Variants in WDR49 observed in about 807,000 individuals in gnomAD.
The protein encoded by WDR49 is cilia- and flagella-associated protein 337.
Under a neutral mutation model 119.5 loss-of-function variants are expected in WDR49, and 107 were observed. The observed-to-expected ratio is 0.90, with a 90% confidence interval of 0.77 to 1.05. The LOEUF (loss-of-function observed/expected upper bound fraction) is 1.05. WDR49 is among the 50% of genes least tolerant of loss of function. The probability of loss-of-function intolerance (pLI) is 0.00; values close to 1 mark genes in which losing one functional copy is unlikely to be tolerated. For synonymous variants in WDR49, 425 were observed against 418.8 expected, an observed-to-expected ratio of 1.01 and a Z score of -0.18; for missense variants, 1,240 against 1,220.5, an observed-to-expected ratio of 1.02 and a Z score of -0.24.
chr3:167,577,319 G>A (rs1577251611), intron 7 of WDR49, among the ~76,000 whole-genome samples: 1 of 152,116 alleles, frequency 6.6e-6, no homozygotes, highest in Non-Finnish European at 1.5e-5. Context: ...GCTACTGAGG[G>A]AGTGAAAAAC....
Position 167,620,476 on chromosome 3 carries a change from C to T in WDR49, c.911G>A (p.Cys304Tyr). The change falls in exon 5 of 19, where the codon TGC (cysteine) becomes TAC (tyrosine). Residue 304 changes from cysteine (C) to tyrosine (Y), a missense_variant. Cys to Tyr is a radical substitution (Grantham distance 194). Coordinates refer to ENST00000682715, the MANE Select transcript of WDR49 (RefSeq NM_001366157.1). ...AELLSGCHKCCHILEHKLHQG... is the reference protein window; with the variant it reads ...AELLSGCHKCYHILEHKLHQG... ...ATGAAGTTTATGCTCTAATATATGG[C>T]AACATTTGTGACATCCAGAGAGCAG... 2 of 1,536,050 alleles carry T rather than the reference C, an allele frequency of 1.3e-6. No individual in the cohort carries two copies. The highest frequency in any genetic ancestry group is 1.7e-6 in the Non-Finnish European group (2 of 1,146,684).
intron 13 of WDR49, among the ~76,000 whole-genome samples, 183 bp from the exon 14 acceptor site, chr3:167,529,422 T>C (rs973356788): frequency 6.6e-6 from 1 of 152,100 alleles, no homozygotes; most frequent in African/African-American, 2.4e-5. Flanking sequence ...ATAACCTCAC[T>C]GGTTTGTGTT....
Position 167,653,256 on chromosome 3 carries a change from C to T in WDR49, c.165+5G>A. ...AACTATCTGGTCAATAAGCTTCACA[C>T]TTACCTCAAAGGCCTTCTGTATTTT... On this transcript the variant is annotated splice_donor_5th_base_variant and intron_variant, in intron 2 of 18. Coordinates refer to ENST00000682715, the MANE Select transcript of WDR49 (RefSeq NM_001366157.1). 2 of 1,536,140 alleles carry T rather than the reference C, an allele frequency of 1.3e-6. No homozygotes were observed. Among genetic ancestry groups the T allele is most frequent in the Non-Finnish European group, 8.7e-7 (1 of 1,146,860 alleles).
chr3:167,549,861 A>G (rs1475712064), intron 10 of WDR49, among the ~76,000 whole-genome samples: 2 of 152,056 alleles, frequency 1.3e-5, no homozygotes, highest in Non-Finnish European at 2.9e-5. Context: ...ATCTTGAATT[A>G]ATTTTTGTAT....
chr3:167,654,828 G>A (rs1272833971), upstream of WDR49, among the ~76,000 whole-genome samples: 5 of 151,968 alleles, frequency 3.3e-5, no homozygotes, highest in African/African-American at 1.2e-4. Flanking sequence ...GAACCTGGGG[G>A]GCAGAGGTTG....
In WDR49 at chr3:167,600,495, T is replaced by A. The variant is rs74621132; in HGVS notation, c.1275+1632A>T. On this transcript the variant is annotated intron_variant, in intron 7 of 18. Transcript: ENST00000682715. ...CTGATTTTTTTGGTTCTTATGAAGG[T>A]GTTTTTGTGTATGTGTAGATAGTTG... is the stretch of plus-strand genomic sequence containing the variant. Among the ~76,000 whole-genome samples, 1,284 of 152,292 alleles carry A rather than the reference T, an allele frequency of 8.4e-3. 91 individuals carry two copies. In the East Asian group the frequency reaches 0.17, roughly 21 times the overall value.
chr3:167,646,584 G>A (rs1489173697), intron 2 of WDR49, among the ~76,000 whole-genome samples: 4 of 152,178 alleles, frequency 2.6e-5, no homozygotes, highest in African/African-American at 4.8e-5. Flanking sequence ...TAGCTACTGC[G>A]TACTTGAAAT....
intron 2 of WDR49, among the ~76,000 whole-genome samples, chr3:167,646,413 A>T (rs1718131372): frequency 6.6e-6 from 1 of 152,122 alleles, no homozygotes; most frequent in African/African-American, 2.4e-5. Context: ...TTATAGTGGG[A>T]TTGAGGAGCT....
chr3:167,489,934 GT>G (rs962312166), intron 18 of WDR49, among the ~76,000 whole-genome samples: 3 of 152,092 alleles, frequency 2.0e-5, no homozygotes, highest in South Asian at 2.1e-4. Flanking sequence ...ATCACCTGGA[GT>G]TCTCATTAAA....
At chr3:167,548,793 T>G (rs191800776) in intron 10 of WDR49, among the ~76,000 whole-genome samples, 1 of 152,228 alleles carries the variant, frequency 6.6e-6, no homozygotes, top group Non-Finnish European at 1.5e-5. Flanking sequence ...GCTGCACCCA[T>G]TAACTCATCA....
chr3:167,568,113 C>G (rs59942139), intron 8 of WDR49, among the ~76,000 whole-genome samples: 39,896 of 151,974 alleles, frequency 0.26, 5,455 homozygotes, highest in African/African-American at 0.32. Context: ...TGGCGTTTTT[C>G]TTTTCAGAAC....
chr3:167,583,770 T>A (rs946771155), intron 7 of WDR49, among the ~76,000 whole-genome samples: 1 of 152,168 alleles, frequency 6.6e-6, no homozygotes, highest in African/African-American at 2.4e-5. Flanking sequence ...CAGAATGCAG[T>A]AGCCTCAAGA....
At chr3:167,492,183 T>G (rs1249132829) in intron 18 of WDR49, among the ~76,000 whole-genome samples, 1 of 152,038 alleles carries the variant, frequency 6.6e-6, no homozygotes, top group Non-Finnish European at 1.5e-5. Flanking sequence ...TAATAACAAT[T>G]TTTAAATTCA....
rs1752592464 is a variant in WDR49, at chr3:167,525,232, C to T, written c.2604+2588G>A. On this transcript the variant is annotated intron_variant, in intron 15 of 18. Coordinates refer to ENST00000682715, the MANE Select transcript of WDR49 (RefSeq NM_001366157.1). ...TGTCTATTATTGGTGTACAGGAATGCTTGTGATTTTTGCACATTAATTTTG... is the reference window on the plus strand; with the variant it reads ...TGTCTATTATTGGTGTACAGGAATGTTTGTGATTTTTGCACATTAATTTTG... 2.0e-5 allele frequency among the ~76,000 whole-genome samples: 3 copies of T among 152,144 alleles called. No homozygotes were observed. In the South Asian group the frequency reaches 6.2e-4, roughly 32 times the overall value.
At chr3:167,516,800 T>A (rs1577211056) in intron 16 of WDR49, among the ~76,000 whole-genome samples, 1 of 151,972 alleles carries the variant, frequency 6.6e-6, no homozygotes, top group Non-Finnish European at 1.5e-5. Context: ...TGGGAGAAAA[T>A]TTTTGCAATC....
intron 10 of WDR49, among the ~76,000 whole-genome samples, chr3:167,549,299 A>G (rs1712401758): frequency 6.6e-6 from 1 of 152,206 alleles, no homozygotes; most frequent in Non-Finnish European, 1.5e-5. Context: ...ACTAGTTTAC[A>G]GTCCCACCAA....
chr3:167,626,444 G>C (rs1290781582), intron 3 of WDR49, among the ~76,000 whole-genome samples: 1 of 152,000 alleles, frequency 6.6e-6, no homozygotes, highest in Non-Finnish European at 1.5e-5. Context: ...ATATGAAGAT[G>C]TTTAGACTGA....
chr3:167,646,568 G>A lies in WDR49; in HGVS notation c.165+6693C>T, dbSNP rs145228453. 7.9e-5 allele frequency among the ~76,000 whole-genome samples: 12 copies of A among 152,328 alleles called. No individual in the cohort carries two copies. The East Asian group carries it at 2.1e-3, about 27-fold the overall frequency. On this transcript the variant is annotated intron_variant, in intron 2 of 18. Coordinates refer to ENST00000682715, the MANE Select transcript of WDR49 (RefSeq NM_001366157.1). ...AATGTTCTATATTCTTTGCAGTCCA[G>A]TATAGTAGCTACTGCGTACTTGAAA...
At chr3:167,504,987 T>C (rs1751711017) in intron 17 of WDR49, among the ~76,000 whole-genome samples, 1 of 152,232 alleles carries the variant, frequency 6.6e-6, no homozygotes, top group African/African-American at 2.4e-5. Context: ...CTGTACAGCC[T>C]GCAGAACTGT....
Sources: allele counts gnomAD v4.1 joint callset (sites outside exome capture counted in the v4.1 genomes callset), GRCh38; gene constraint gnomAD v4.1.1; transcripts MANE v1.5; gene names NCBI Gene and HGNC (gene_info 2026-07-23, HGNC 2026-07-21).